Variants in GRID2IP observed in about 807,000 individuals in gnomAD.
GRID2IP encodes Grid2 interacting protein, also known as delphilin.
Under a neutral mutation model 114.3 loss-of-function variants are expected in GRID2IP, and 78 were observed. The ratio of observed to expected loss-of-function variants is 0.68; its 90% CI spans 0.57 to 0.82. The LOEUF (loss-of-function observed/expected upper bound fraction) is 0.82, where lower values mean the gene tolerates loss of function less well. Ranked by LOEUF, GRID2IP falls within the 40% of genes least tolerant of loss-of-function variation. The pLI, the probability that GRID2IP is intolerant of heterozygous loss-of-function variation, is 0.00. For missense variants in GRID2IP, 1,727 were observed against 1,678.5 expected (o/e 1.03, Z -0.51); for synonymous variants, 809 against 724.0 (o/e 1.12, Z -1.89).
chr7:6,547,458 G>T (rs1186344268), intron 1 of GRID2IP, among the ~76,000 whole-genome samples: 3 of 151,974 alleles, frequency 2.0e-5, no homozygotes, highest in Non-Finnish European at 2.9e-5. Flanking sequence ...TGAGGCAGGA[G>T]GATCACTTGA....
rs970434616 is a variant in GRID2IP, at chr7:6,497,069, C to T, written c.*705G>A. Among the ~76,000 whole-genome samples, 4 of 152,212 alleles carry T rather than the reference C, an allele frequency of 2.6e-5. No homozygotes were observed. Among genetic ancestry groups the T allele is most frequent in the African/African-American group, 7.2e-5 (3 of 41,444 alleles). Reference sequence around the variant, plus strand: ...AGATCCTGCTCACCTCCTGCCTCAACACCTCCCCATTCTGTCTGCTCTACC... The same window carrying T: ...AGATCCTGCTCACCTCCTGCCTCAATACCTCCCCATTCTGTCTGCTCTACC... On this transcript the variant is annotated 3_prime_UTR_variant, in exon 22 of 22. Coordinates refer to ENST00000457091, the MANE Select transcript of GRID2IP (RefSeq NM_001145118.2).
intron 1 of GRID2IP, among the ~76,000 whole-genome samples, chr7:6,541,814 T>G (rs1441238963): frequency 1.3e-5 from 2 of 152,134 alleles, no homozygotes; most frequent in African/African-American, 4.8e-5. Flanking sequence ...ATCTCACATG[T>G]AGGAATTTAT....
At chr7:6,549,764 GGC>G (rs1779941743) in intron 1 of GRID2IP, among the ~76,000 whole-genome samples, 1 of 151,386 alleles carries the variant, frequency 6.6e-6, no homozygotes, top group Non-Finnish European at 1.5e-5. Context: ...TGGCACCACA[GGC>G]GCGCGCCACC....
At chr7:6,522,529 C>T (rs544258950) in intron 4 of GRID2IP, among the ~76,000 whole-genome samples, 21 of 151,728 alleles carry the variant, frequency 1.4e-4, no homozygotes, top group Non-Finnish European at 2.8e-4. Flanking sequence ...GAGACAGGGT[C>T]TTGCTGAAGT....
intron 1 of GRID2IP, among the ~76,000 whole-genome samples, chr7:6,543,957 C>A (rs751886689): frequency 1.3e-5 from 2 of 151,928 alleles, no homozygotes; most frequent in Non-Finnish European, 2.9e-5. Flanking sequence ...CCACCACGCC[C>A]GGCTCATTTT....
chr7:6,532,518 C>T lies in GRID2IP; in HGVS notation c.585-5749G>A, dbSNP rs893667139. ...ATTCCTGGCCCTTGCAAGACCATCACTTTGCTGTGACCCCCCGTGGCTGTA... is the reference window on the plus strand; with the variant it reads ...ATTCCTGGCCCTTGCAAGACCATCATTTTGCTGTGACCCCCCGTGGCTGTA... On this transcript the variant is annotated intron_variant, in intron 2 of 21. Coordinates refer to ENST00000457091, the MANE Select transcript of GRID2IP (RefSeq NM_001145118.2). This position sits in a 1 kb window ranked among gnomAD's most constrained non-coding sequence, Gnocchi z 4.4. Among the ~76,000 whole-genome samples, 2 of 152,178 alleles carry T rather than the reference C, an allele frequency of 1.3e-5. No individual in the cohort carries two copies. Among genetic ancestry groups the T allele is most frequent in the Non-Finnish European group, 2.9e-5 (2 of 68,034 alleles).
At chr7:6,524,526 G>A (rs79993592) in intron 4 of GRID2IP, among the ~76,000 whole-genome samples, 2,627 of 152,238 alleles carry the variant, frequency 0.017, 74 homozygotes, top group African/African-American at 0.06. Context: ...GGGGCAGGAA[G>A]AAAGGGATTC....
In GRID2IP at chr7:6,510,732, T is replaced by C. The variant is rs1451094253; in HGVS notation, c.1556-26A>G. 1.9e-6 allele frequency: 3 copies of C among 1,539,068 alleles called. No individual in the cohort carries two copies. The South Asian group carries it at 3.6e-5, about 18-fold the overall frequency. On this transcript the variant is annotated intron_variant, in intron 9 of 21. Transcript: ENST00000457091. ...CTACCGGGGAATAATGTCATTACCG[T>C]ATCTGAGCTCTACGGCTCAGGCCCC... is the stretch of plus-strand genomic sequence containing the variant.
intron 2 of GRID2IP, among the ~76,000 whole-genome samples, chr7:6,535,503 A>G (rs1027790836): frequency 6.6e-6 from 1 of 151,726 alleles, no homozygotes; most frequent in Non-Finnish European, 1.5e-5. Context: ...CTCCTTGCAG[A>G]TCTCTGACAC....
intron 2 of GRID2IP, among the ~76,000 whole-genome samples, chr7:6,533,741 G>C (rs1779677013): frequency 6.6e-6 from 1 of 150,910 alleles, no homozygotes; most frequent in African/African-American, 2.4e-5. Flanking sequence ...AAGCTCCTGG[G>C]CTCCAGTGAT....
At position 6,509,084 on chromosome 7, in the gene GRID2IP, G is replaced by C; in HGVS notation, c.2001C>G (p.Leu667=). 2 of 1,493,940 alleles carry C rather than the reference G, an allele frequency of 1.3e-6. No homozygotes were observed. The highest frequency in any genetic ancestry group is 1.8e-6 in the Non-Finnish European group (2 of 1,117,950). The allele number at this position is 1,493,940 out of a possible 1,614,324, so 92.5% of individuals were successfully genotyped here. ...DPTRPPSRRK[L]FTFSHPVRSR... ...TTCGCACAGGGTGGGAGAAGGTGAA[G>C]AGCTTCCTGCGGCTGGGCGGGCGGG... is the stretch of plus-strand genomic sequence containing the variant. Residue 667 remains leucine, a synonymous_variant, in exon 12 of 22, where the codon CTC becomes CTG. Coordinates refer to ENST00000457091, the MANE Select transcript of GRID2IP (RefSeq NM_001145118.2). The surrounding 1 kb of genome is among the most constrained non-coding windows in gnomAD (Gnocchi z 4.9).
In GRID2IP at chr7:6,540,781, T is replaced by G. The variant is rs540670748; in HGVS notation, c.430-909A>C. Among the ~76,000 whole-genome samples the G allele has an allele frequency of 3.8e-4, 57 of 148,938 alleles. 1 individual carries two copies. In the South Asian group the frequency reaches 0.012, roughly 31 times the overall value. On this transcript the variant is annotated intron_variant, in intron 1 of 21. Coordinates refer to ENST00000457091, the MANE Select transcript of GRID2IP (RefSeq NM_001145118.2). ...CCTGGCCTCAGGTGACCCACCCACC[T>G]TGGGCTCCCAAAGTGCTGGGATTAC...
chr7:6,540,028 C>T (rs1273292724), intron 1 of GRID2IP, among the ~76,000 whole-genome samples, 156 bp from the exon 2 acceptor site: 1 of 145,242 alleles, frequency 6.9e-6, no homozygotes. Context: ...CCCCTTCCTT[C>T]CTTCCTTTCT....
intron 2 of GRID2IP, among the ~76,000 whole-genome samples, chr7:6,533,571 C>G (rs568079579): frequency 5.4e-4 from 82 of 152,066 alleles, no homozygotes; most frequent in African/African-American, 1.8e-3. Flanking sequence ...GCTCTGTTGC[C>G]TAGGCTGGTC....
chr7:6,502,909 C>CCA, intron 17 of GRID2IP, 37 bp from the exon 18 acceptor site: 1 of 1,541,478 alleles, frequency 6.5e-7, no homozygotes, highest in South Asian at 1.2e-5. Context: ...TGTCCTCACC[C>CCA]CACCACCCAT....
At position 6,521,355 on chromosome 7, in the gene GRID2IP, T is replaced by C. The variant is rs760941627; in HGVS notation, c.1084+74A>G. ...AGGGGAAGAGCTGAGTCCTCCGCAC[T>C]GTGACTCTCACATATAGCAGCCTGG... On this transcript the variant is annotated intron_variant, in intron 6 of 21. Transcript: ENST00000457091. This position sits in a 1 kb window ranked among gnomAD's most constrained non-coding sequence, Gnocchi z 4.1. 1.5e-5 allele frequency: 16 copies of C among 1,095,790 alleles called. No individual in the cohort carries two copies. In the African/African-American group the frequency reaches 2.4e-4, roughly 16 times the overall value. The allele number at this position is 1,095,790 out of a possible 1,614,324, so 67.9% of individuals were successfully genotyped here.
chr7:6,498,112 G>A lies in GRID2IP; in HGVS notation c.3516C>T (p.Thr1172=). 3.2e-6 allele frequency: 5 copies of A among 1,551,734 alleles called. No individual in the cohort carries two copies. The highest frequency in any genetic ancestry group is 4.4e-6 in the Non-Finnish European group (5 of 1,146,976). The change falls in exon 21 of 22, where the codon ACC becomes ACT. Residue 1172 remains threonine (T), a synonymous_variant. Transcript: ENST00000457091. The part of the protein sequence containing the change: ...AFFGEDSKAT[T]SEAFFGIFAE... ...CAAAGATGCCGAAGAAAGCCTCAGAGGTGGTGGCCTTGGAATCCTCCCCAA... is the reference window on the plus strand; with the variant it reads ...CAAAGATGCCGAAGAAAGCCTCAGAAGTGGTGGCCTTGGAATCCTCCCCAA...
intron 15 of GRID2IP, 151 bp downstream of exon 15, chr7:6,504,642 A>G (rs1786523168): frequency 3.1e-6 from 2 of 640,522 alleles, no homozygotes; most frequent in Non-Finnish European, 2.8e-6. Flanking sequence ...CTGGCTGGCT[A>G]TGGGGCCTGG....
chr7:6,498,266 G>A, intron 20 of GRID2IP, 38 bp from the exon 21 acceptor site: 1 of 1,506,860 alleles, frequency 6.6e-7, no homozygotes. Context: ...CAGCCCGCTT[G>A]TGCCCCCAGG....
Sources: gnomAD v4.1 joint callset for allele counts (sites outside exome capture counted in the v4.1 genomes callset) on GRCh38, gnomAD v4.1.1 for gene constraint, Gnocchi (gnomAD v3.1) non-coding constraint, MANE v1.5 for transcripts, NCBI Gene and HGNC (gene_info 2026-07-23, HGNC 2026-07-21) for gene names.